Variants in SLC2A10 observed in about 807,000 individuals in gnomAD.
SLC2A10 encodes the protein solute carrier family 2 member 10.
In SLC2A10, 25 loss-of-function variants were observed where a neutral mutation model predicts 32.1. The ratio of observed to expected loss-of-function variants is 0.78; its 90% confidence interval spans 0.57 to 1.09. SLC2A10 has a LOEUF of 1.09. SLC2A10 is among the 50% of genes least tolerant of loss of function. The probability of loss-of-function intolerance (pLI) is 0.00; values close to 1 mark genes in which losing one functional copy is unlikely to be tolerated. For missense variants in SLC2A10, 673 were observed against 686.5 expected, an observed-to-expected ratio of 0.98 and a Z score of 0.22; for synonymous variants, 332 against 309.6, an observed-to-expected ratio of 1.07 and a Z score of -0.76.
chr20:46,725,197 T>A lies in SLC2A10; in HGVS notation c.161T>A (p.Leu54Gln). 6.2e-7 allele frequency: 1 copy of A among 1,614,204 alleles called. No homozygotes were observed. The highest frequency in any genetic ancestry group is 8.5e-7 in the Non-Finnish European group (1 of 1,180,022). Residue 54 changes from leucine to glutamine, a missense_variant, in exon 2 of 5, where the codon CTG becomes CAG. Physicochemically the swap from Leu to Gln is moderately radical, Grantham distance 113 (BLOSUM62 -2). Coordinates refer to ENST00000359271, the MANE Select transcript of SLC2A10 (RefSeq NM_030777.4). ...GAGCAGGAGTTCCTGGTGGGCAGCC[T>A]GCTCCTGGGGGCTCTCCTCGCCTCC... ...CLEQEFLVGS[L>Q]LLGALLASLV...
At position 46,725,791 on chromosome 20, in the gene SLC2A10, G is replaced by T; in HGVS notation, c.755G>T (p.Cys252Phe). 6.2e-7 allele frequency: 1 copy of T among 1,614,204 alleles called. No homozygotes were observed. The change falls in exon 2 of 5, where the codon TGC (cysteine) becomes TTC (phenylalanine). Residue 252 changes from cysteine to phenylalanine, a missense_variant. Physicochemically the swap from Cys to Phe is radical, Grantham distance 205. Coordinates refer to ENST00000359271, the MANE Select transcript of SLC2A10 (RefSeq NM_030777.4). ...QQLTGQPNVL[C>F]YASTIFSSVG... ...CTAACAGGGCAGCCCAACGTGCTGT[G>T]CTATGCCTCCACCATCTTCAGCTCC...
At chr20:46,731,272 G>A (rs182177303) in intron 4 of SLC2A10, among the ~76,000 whole-genome samples, 1 of 152,254 alleles carries the variant, frequency 6.6e-6, no homozygotes, top group East Asian at 1.9e-4. Flanking sequence ...ATACCTGCCA[G>A]AGGATGGGGG....
intron 1 of SLC2A10, among the ~76,000 whole-genome samples, chr20:46,720,355 C>T (rs1413451381): frequency 6.6e-6 from 1 of 152,208 alleles, no homozygotes. Context: ...AAGCCTCTCA[C>T]ATTCTTACAT....
At position 46,734,941 on chromosome 20, in the gene SLC2A10, C is replaced by T. The variant is rs1980495038; in HGVS notation, c.*1107C>T. The T allele has an allele frequency of 6.6e-6, 1 of 152,652 alleles. No homozygotes were observed. Among genetic ancestry groups the T allele is most frequent in the South Asian group, 2.1e-4 (1 of 4,834 alleles). 9.5% of individuals were successfully genotyped at this position (152,652 alleles called of 1,614,324 possible). A position where few individuals can be genotyped will look rare whatever the true frequency, so the allele number is the denominator to read the frequency against. On this transcript the variant is annotated 3_prime_UTR_variant, in exon 5 of 5. Transcript: ENST00000359271. The stretch of plus-strand genomic sequence containing the variant: ...ATAACAACTCCCTGAACCTCAGTTT[C>T]CTCATCTGCAGAATGGGGATAATTA...
At chr20:46,717,516 G>A (rs764119208) in intron 1 of SLC2A10, among the ~76,000 whole-genome samples, 5 of 152,066 alleles carry the variant, frequency 3.3e-5, no homozygotes, top group Non-Finnish European at 7.3e-5. Context: ...CTCCTTGATA[G>A]CTGGGATTAC....
At chr20:46,712,214 G>T (rs904517014) in intron 1 of SLC2A10, among the ~76,000 whole-genome samples, 1 of 152,148 alleles carries the variant, frequency 6.6e-6, no homozygotes, top group African/African-American at 2.4e-5. Context: ...TTTGGAAGCC[G>T]GCCATCTGCA....
intron 1 of SLC2A10, among the ~76,000 whole-genome samples, chr20:46,723,278 A>G (rs1220988880): frequency 2.0e-5 from 3 of 152,162 alleles, no homozygotes; most frequent in Admixed American, 1.3e-4. Flanking sequence ...GGGAGCTAGA[A>G]AAAAGGGCAA....
chr20:46,709,872 G>C, intron 1 of SLC2A10, 132 bp downstream of exon 1: 1 of 1,121,540 alleles, frequency 8.9e-7, no homozygotes, highest in South Asian at 1.4e-5. Flanking sequence ...ACCGCCTCTC[G>C]GGTGGCCAGC....
At chr20:46,712,625 T>C (rs1018806677) in intron 1 of SLC2A10, among the ~76,000 whole-genome samples, 3 of 151,564 alleles carry the variant, frequency 2.0e-5, no homozygotes, top group Non-Finnish European at 4.4e-5. Flanking sequence ...TTTTTTTCTC[T>C]TTCTTTCTTT....
chr20:46,709,578 G>T (rs1326199301), upstream of SLC2A10: 3 of 918,234 alleles, frequency 3.3e-6, no homozygotes, highest in South Asian at 4.3e-5. Flanking sequence ...GCTGGCCGAC[G>T]TGGCGTTGGC....
In SLC2A10 at chr20:46,734,033, GA is replaced by G. The variant is rs1980443087; in HGVS notation, c.*201del. 26 of 638,448 alleles carry G rather than the reference GA, an allele frequency of 4.1e-5. No homozygotes were observed. The South Asian group carries it at 4.4e-4, about 11-fold the overall frequency. The allele number at this position is 638,448 out of a possible 1,614,324, so 39.5% of individuals were successfully genotyped here. A position where few individuals can be genotyped will look rare whatever the true frequency, so the allele number is the denominator to read the frequency against. ...CTCTTCATTTTGAGTCTCAGGCCCT[GA>G]AGGTTCCTGAGGATCTAGCTTCATG... is the stretch of plus-strand genomic sequence containing the variant. On this transcript the variant is annotated 3_prime_UTR_variant, in exon 5 of 5. Coordinates refer to ENST00000359271, the MANE Select transcript of SLC2A10 (RefSeq NM_030777.4).
chr20:46,710,281 C>T, intron 1 of SLC2A10: 1 of 381,584 alleles, frequency 2.6e-6, no homozygotes. Flanking sequence ...GGCTTTGTTG[C>T]CACTCGGGAC....
At chr20:46,712,651 CTTTTT>C (rs11477202) in intron 1 of SLC2A10, among the ~76,000 whole-genome samples, 1 of 94,424 alleles carries the variant, frequency 1.1e-5, no homozygotes, top group Non-Finnish European at 2.0e-5. Context: ...TTCTTTCTTT[CTTTTT>C]TTTTTTTTTT....
rs190803468 is a variant in SLC2A10, at chr20:46,736,344, T to C, written c.*2510T>C. 1.3e-4 allele frequency: 20 copies of C among 152,232 alleles called. No individual in the cohort carries two copies. Among genetic ancestry groups the C allele is most frequent in the Admixed American group, 3.3e-4 (5 of 15,292 alleles). The allele number at this position is 152,232 out of a possible 1,614,324, so 9.4% of individuals were successfully genotyped here. On this transcript the variant is annotated 3_prime_UTR_variant, in exon 5 of 5. Transcript: ENST00000359271. ...ACAATAAAGAGTTTGTTATTATTTGTAAATTGTGTGCAACAAACATATCTT... is the reference window on the plus strand; with the variant it reads ...ACAATAAAGAGTTTGTTATTATTTGCAAATTGTGTGCAACAAACATATCTT...
intron 1 of SLC2A10, among the ~76,000 whole-genome samples, chr20:46,714,186 C>G (rs913840727): frequency 5.4e-5 from 8 of 147,610 alleles, no homozygotes; most frequent in Admixed American, 2.0e-4. Flanking sequence ...GGAAGATGGC[C>G]CCCAGTGGCT....
chr20:46,726,762 A>G (rs1484768327), intron 2 of SLC2A10, 102 bp from the exon 3 acceptor site: 2 of 1,487,690 alleles, frequency 1.3e-6, no homozygotes, highest in East Asian at 4.5e-5. Flanking sequence ...CAGGAGCCTG[A>G]CACTAGAAAA....
chr20:46,716,826 C>T (rs1979271774), intron 1 of SLC2A10, among the ~76,000 whole-genome samples: 1 of 152,054 alleles, frequency 6.6e-6, no homozygotes, highest in Non-Finnish European at 1.5e-5. Flanking sequence ...AGTTCGAGAC[C>T]AGCCTGGCCA....
Position 46,725,887 on chromosome 20 carries a change from C to A in SLC2A10, c.851C>A (p.Thr284Asn), listed in dbSNP as rs765689972. ...VGLGAVKVAA[T>N]LTAMGLVDRA... ...CTTGGCGCAGTGAAGGTGGCAGCTACCCTGACCGCCATGGGGCTGGTGGAC... is the reference window on the plus strand; with the variant it reads ...CTTGGCGCAGTGAAGGTGGCAGCTAACCTGACCGCCATGGGGCTGGTGGAC... The change falls in exon 2 of 5, where the codon ACC becomes AAC. Residue 284 changes from threonine (T) to asparagine (N), a missense_variant. Physicochemically the swap from Thr to Asn is moderately conservative, Grantham distance 65. Coordinates refer to ENST00000359271, the MANE Select transcript of SLC2A10 (RefSeq NM_030777.4). 83 of 1,614,212 alleles carry A rather than the reference C, an allele frequency of 5.1e-5. No homozygotes were observed. Among genetic ancestry groups the A allele is most frequent in the Non-Finnish European group, 7.0e-5 (83 of 1,180,042 alleles).
At chr20:46,723,198 AC>A (rs1979655801) in intron 1 of SLC2A10, among the ~76,000 whole-genome samples, 1 of 151,832 alleles carries the variant, frequency 6.6e-6, no homozygotes, top group Non-Finnish European at 1.5e-5. Context: ...CCTCATGGTT[AC>A]CCCCCATCAT....
Sources: allele counts gnomAD v4.1 joint callset (sites outside exome capture counted in the v4.1 genomes callset), GRCh38; gene constraint gnomAD v4.1.1; transcripts MANE v1.5; gene names NCBI Gene and HGNC (gene_info 2026-07-23, HGNC 2026-07-21).